The following MLLT3 variants were observed in gnomAD, a reference collection of about 807,000 sequenced individuals.
The protein encoded by MLLT3 is protein AF-9.
A neutral mutation model predicts 53.2 loss-of-function variants in MLLT3; 4 were observed. That is an observed-to-expected ratio of 0.08 (90% confidence interval 0.04 to 0.17). The LOEUF (loss-of-function observed/expected upper bound fraction) is 0.17, where lower values mean the gene tolerates loss of function less well. MLLT3 is among the 10% of genes least tolerant of loss of function. MLLT3 has a pLI of 1.00. For missense variants in MLLT3, 569 were observed against 684.0 expected (o/e 0.83, Z 1.87); for synonymous variants, 283 against 230.6 (o/e 1.23, Z -2.06).
intron 4 of MLLT3, among the ~76,000 whole-genome samples, chr9:20,440,552 TG>T (rs1823522027): frequency 6.6e-6 from 1 of 152,122 alleles, no homozygotes; most frequent in African/African-American, 2.4e-5. Flanking sequence ...AAATATCTGG[TG>T]GGGACAGTCA....
rs1820777600 is a variant in MLLT3, at chr9:20,343,147, TTTTTA to T, written c.*3291_*3295del. ...AGGCCTAAAATTGTTTCTTCTCTTTTTTTTAAAGATTAGGTGGGCCTGTAAAAGAT... is the reference window on the plus strand; with the variant it reads ...AGGCCTAAAATTGTTTCTTCTCTTTTAAGATTAGGTGGGCCTGTAAAAGAT... On this transcript the variant is annotated 3_prime_UTR_variant, in exon 11 of 11. Transcript: ENST00000380338. 5.9e-6 allele frequency: 1 copy of T among 169,930 alleles called. No individual in the cohort carries two copies. The highest frequency in any genetic ancestry group is 1.2e-5 in the Non-Finnish European group (1 of 85,972). 10.5% of individuals were successfully genotyped at this position (169,930 alleles called of 1,614,324 possible).
intron 2 of MLLT3, among the ~76,000 whole-genome samples, chr9:20,512,261 C>T (rs1817770938): frequency 6.6e-6 from 1 of 152,192 alleles, no homozygotes; most frequent in South Asian, 2.1e-4. Flanking sequence ...ATCATATTTT[C>T]ACTCCACAGT....
intron 2 of MLLT3, among the ~76,000 whole-genome samples, chr9:20,523,065 C>T (rs1818107556): frequency 6.6e-6 from 1 of 151,942 alleles, no homozygotes; most frequent in Non-Finnish European, 1.5e-5. Context: ...GGCCAAAGAC[C>T]TTAACAGACA....
At chr9:20,476,015 A>G (rs1824512813) in intron 2 of MLLT3, among the ~76,000 whole-genome samples, 2 of 152,076 alleles carry the variant, frequency 1.3e-5, no homozygotes, top group Non-Finnish European at 2.9e-5. Context: ...TATTTATTTG[A>G]TTCAAAAACA....
At chr9:20,479,541 G>A (rs185198563) in intron 2 of MLLT3, among the ~76,000 whole-genome samples, 11 of 152,198 alleles carry the variant, frequency 7.2e-5, no homozygotes, top group Non-Finnish European at 1.5e-4. Flanking sequence ...CTGTTCAGAG[G>A]AGAAAGGAGT....
At chr9:20,571,586 C>T (rs1819534164) in intron 2 of MLLT3, among the ~76,000 whole-genome samples, 2 of 152,102 alleles carry the variant, frequency 1.3e-5, no homozygotes, top group Admixed American at 1.3e-4. Context: ...GCTATCCCTC[C>T]CCTAGCCTCC....
intron 2 of MLLT3, among the ~76,000 whole-genome samples, chr9:20,607,717 T>A (rs1439998541): frequency 6.6e-6 from 1 of 152,068 alleles, no homozygotes; most frequent in Non-Finnish European, 1.5e-5. Context: ...TATGCATTAG[T>A]GCACAGTACA....
chr9:20,500,209 AG>A (rs1825184683), intron 2 of MLLT3, among the ~76,000 whole-genome samples: 1 of 152,310 alleles, frequency 6.6e-6, no homozygotes, highest in East Asian at 1.9e-4. Flanking sequence ...AGAGCGGTGC[AG>A]GGCTAGCAGG....
rs1586937304 is a variant in MLLT3 at position 20,421,447 on chromosome 9, G to C, written c.421-7022C>G. Among the ~76,000 whole-genome samples, 7 of 151,942 alleles carry C rather than the reference G, an allele frequency of 4.6e-5. No homozygotes were observed. The East Asian group carries it at 1.2e-3, about 25-fold the overall frequency. Reference sequence around the variant, plus strand: ...GGTACAAGGAGAAGAGAGAAACCAAGTACAAAGCTAAACTTAGTATTCACT... The same window carrying C: ...GGTACAAGGAGAAGAGAGAAACCAACTACAAAGCTAAACTTAGTATTCACT... On this transcript the variant is annotated intron_variant, in intron 4 of 10. Transcript: ENST00000380338.
intron 5 of MLLT3, 150 bp downstream of exon 5, chr9:20,413,571 T>C (rs1324872779): frequency 1.7e-6 from 1 of 598,350 alleles, no homozygotes; most frequent in Non-Finnish European, 2.8e-6. Context: ...TTCTCATTAG[T>C]TAAGGAAATG....
intron 5 of MLLT3, among the ~76,000 whole-genome samples, chr9:20,410,253 G>A (rs1343257168): frequency 6.6e-6 from 1 of 152,054 alleles, no homozygotes; most frequent in Non-Finnish European, 1.5e-5. Context: ...AAAAAATCTT[G>A]AGTTTGAAAG....
At chr9:20,493,414 A>C (rs915832189) in intron 2 of MLLT3, among the ~76,000 whole-genome samples, 4 of 152,030 alleles carry the variant, frequency 2.6e-5, no homozygotes, top group Non-Finnish European at 5.9e-5. Flanking sequence ...TTATCTTTTA[A>C]CACTCAGGAA....
Position 20,621,967 on chromosome 9 carries a change from T to C in MLLT3, c.12+278A>G, listed in dbSNP as rs1821027491. The stretch of plus-strand genomic sequence containing the variant: ...AGGGAGTGTGTGAGTGCGCTTCTTG[T>C]GACTGCAAAGAGGCGAGGAGGGAGG... On this transcript the variant is annotated intron_variant, in intron 1 of 10. Coordinates refer to ENST00000380338, the MANE Select transcript of MLLT3 (RefSeq NM_004529.4). The surrounding 1 kb of genome is among the most constrained non-coding windows in gnomAD (Gnocchi z 7.0). 7.2e-7 allele frequency: 1 copy of C among 1,394,836 alleles called. No individual in the cohort carries two copies. Among genetic ancestry groups the C allele is most frequent in the Non-Finnish European group, 9.3e-7 (1 of 1,081,060 alleles). 86.4% of individuals were successfully genotyped at this position (1,394,836 alleles called of 1,614,324 possible). A position where few individuals can be genotyped will look rare whatever the true frequency, so the allele number is the denominator to read the frequency against.
At chr9:20,504,559 T>C (rs886247887) in intron 2 of MLLT3, among the ~76,000 whole-genome samples, 1 of 152,062 alleles carries the variant, frequency 6.6e-6, no homozygotes, top group Non-Finnish European at 1.5e-5. Context: ...ACTCATTGAA[T>C]CAAAGAGTAG....
chr9:20,456,654 G>C (rs369489855), intron 3 of MLLT3, 50 bp downstream of exon 3: 2 of 1,224,016 alleles, frequency 1.6e-6, no homozygotes, highest in Non-Finnish European at 2.4e-6. Context: ...AACATCATTT[G>C]GCTAATGGTG....
chr9:20,408,492 C>G (rs1371543705), intron 5 of MLLT3, among the ~76,000 whole-genome samples: 1 of 152,066 alleles, frequency 6.6e-6, no homozygotes, highest in Non-Finnish European at 1.5e-5. Context: ...CCACATTGAG[C>G]AGAATTTACC....
chr9:20,494,653 A>G, intron 2 of MLLT3, among the ~76,000 whole-genome samples: 1 of 152,174 alleles, frequency 6.6e-6, no homozygotes, highest in East Asian at 1.9e-4. Context: ...GGTAAAACAA[A>G]GTGGTGACAG....
At position 20,345,759 on chromosome 9, in the gene MLLT3, GA is replaced by G; in HGVS notation, c.*683del. 9.1e-6 allele frequency: 2 copies of G among 220,564 alleles called. No individual in the cohort carries two copies. Among genetic ancestry groups the G allele is most frequent in the African/African-American group, 2.2e-5 (1 of 44,766 alleles). The allele number at this position is 220,564 out of a possible 1,614,324, so 13.7% of individuals were successfully genotyped here. ...CCAAGGACTGGGCCCCAACTTTCAG[GA>G]AAAAGACCACAAAGAAGAAAATCAA... On this transcript the variant is annotated 3_prime_UTR_variant, in exon 11 of 11. Coordinates refer to ENST00000380338, the MANE Select transcript of MLLT3 (RefSeq NM_004529.4).
At chr9:20,356,394 T>C (rs1239291906) in intron 8 of MLLT3, among the ~76,000 whole-genome samples, 1 of 152,064 alleles carries the variant, frequency 6.6e-6, no homozygotes, top group Non-Finnish European at 1.5e-5. Context: ...GGAAACCAAA[T>C]ACTCCACTAC....
Sources: allele counts gnomAD v4.1 joint callset (sites outside exome capture counted in the v4.1 genomes callset), GRCh38; gene constraint gnomAD v4.1.1; non-coding constraint Gnocchi (gnomAD v3.1); transcripts MANE v1.5; gene names NCBI Gene and HGNC (gene_info 2026-07-23, HGNC 2026-07-21).